The following FMN2 variants were observed in gnomAD, a reference collection of about 807,000 sequenced individuals.
FMN2 encodes formin-2.
Under a neutral mutation model 142.3 loss-of-function variants are expected in FMN2, and 51 were observed. That is an observed-to-expected ratio of 0.36 (90% CI 0.29 to 0.45). FMN2 has a LOEUF of 0.45. Among genes scored for constraint, FMN2 ranks in the 20% least tolerant of loss-of-function variants. FMN2 has a pLI of 1.00. For synonymous variants in FMN2, 882 were observed against 869.8 expected, an observed-to-expected ratio of 1.01 and a Z score of -0.25; for missense variants, 1,936 against 2,122.8, an observed-to-expected ratio of 0.91 and a Z score of 1.73.
chr1:240,431,147 TTTTA>T (rs1675158515), intron 15 of FMN2, among the ~76,000 whole-genome samples: 1 of 151,892 alleles, frequency 6.6e-6, no homozygotes, highest in African/African-American at 2.4e-5. Context: ...GTTTTCACAC[TTTTA>T]TTTGATTTAT....
chr1:240,358,429 A>C (rs1289185334), intron 14 of FMN2, among the ~76,000 whole-genome samples: 1 of 152,208 alleles, frequency 6.6e-6, no homozygotes. Context: ...ACATGTAGGG[A>C]AACAGTGGAG....
intron 1 of FMN2, among the ~76,000 whole-genome samples, chr1:240,122,822 G>T (rs1329261724): frequency 6.6e-6 from 1 of 152,168 alleles, no homozygotes; most frequent in Non-Finnish European, 1.5e-5. Flanking sequence ...GGAGGCTTAG[G>T]TGGGGGGATT....
At chr1:240,450,543 A>G (rs1472532529) in intron 16 of FMN2, among the ~76,000 whole-genome samples, 6 of 152,186 alleles carry the variant, frequency 3.9e-5, no homozygotes, top group Non-Finnish European at 5.9e-5. Context: ...CATTGTCTCC[A>G]TCCTCTCCCA....
chr1:240,421,618 G>C (rs753709988), intron 15 of FMN2, among the ~76,000 whole-genome samples: 6 of 152,068 alleles, frequency 3.9e-5, no homozygotes, highest in Admixed American at 3.9e-4. Context: ...TTTGTTTTGT[G>C]GGGGGTGTGG....
chr1:240,313,078 T>C (rs1045203566), intron 8 of FMN2, among the ~76,000 whole-genome samples: 1 of 152,236 alleles, frequency 6.6e-6, no homozygotes, highest in African/African-American at 2.4e-5. Context: ...TGTCACTTCC[T>C]ATTGCAACAT....
At chr1:240,349,165 C>T (rs965973086) in intron 13 of FMN2, among the ~76,000 whole-genome samples, 1 of 152,126 alleles carries the variant, frequency 6.6e-6, no homozygotes, top group Non-Finnish European at 1.5e-5. Context: ...AATGTCTGTG[C>T]ACTTACACCT....
chr1:240,116,123 G>A lies in FMN2; in HGVS notation c.1616-7056G>A, dbSNP rs1440618587. 4.6e-5 allele frequency among the ~76,000 whole-genome samples: 7 copies of A among 152,160 alleles called. No individual in the cohort carries two copies. The East Asian group carries it at 1.2e-3, about 25-fold the overall frequency. On this transcript the variant is annotated intron_variant, in intron 1 of 17. Coordinates refer to ENST00000319653, the MANE Select transcript of FMN2 (RefSeq NM_020066.5). ...AGAGGTCGCTTTCATCACCATCTTG[G>A]TTTTGGTGGGTTTTGGCTAGCTTCT...
intron 16 of FMN2, among the ~76,000 whole-genome samples, chr1:240,463,885 C>T (rs1676526205): frequency 6.6e-6 from 1 of 152,050 alleles, no homozygotes; most frequent in Admixed American, 6.6e-5. Flanking sequence ...CGCCTGTGCT[C>T]CCAGCTACTC....
chr1:240,367,785 A>G (rs1051729128), intron 14 of FMN2, among the ~76,000 whole-genome samples: 4 of 151,368 alleles, frequency 2.6e-5, no homozygotes, highest in Admixed American at 1.3e-4. Flanking sequence ...AAAAAAAAAA[A>G]AAAAAAGAAA....
At chr1:240,205,454 TC>T (rs1666299909) in intron 4 of FMN2, among the ~76,000 whole-genome samples, 1 of 145,068 alleles carries the variant, frequency 6.9e-6, no homozygotes, top group Admixed American at 7.1e-5. Context: ...CAATGCTCTT[TC>T]CTTTTTTTTT....
chr1:240,219,650 A>ATTTTTTTTTTTTTTTTTTTTTTTT (rs1558374533), intron 6 of FMN2, among the ~76,000 whole-genome samples: 3 of 151,974 alleles, frequency 2.0e-5, no homozygotes, highest in African/African-American at 7.3e-5. Flanking sequence ...AGGTTTTAAA[A>ATTTTTTTTTTTTTTTTTTTTTTTT]TTTTTTGTAT....
chr1:240,294,980 G>T, intron 8 of FMN2, 97 bp downstream of exon 8: 1 of 1,080,970 alleles, frequency 9.3e-7, no homozygotes. Flanking sequence ...GTCCTCTAAA[G>T]AAATTTGATC....
At chr1:240,149,398 C>T (rs1663667998) in intron 2 of FMN2, among the ~76,000 whole-genome samples, 1 of 152,154 alleles carries the variant, frequency 6.6e-6, no homozygotes, top group African/African-American at 2.4e-5. Context: ...ATAAAATGAA[C>T]AAGGTACTAT....
chr1:240,362,408 T>A (rs543683273), intron 14 of FMN2, among the ~76,000 whole-genome samples: 1 of 152,144 alleles, frequency 6.6e-6, no homozygotes, highest in African/African-American at 2.4e-5. Context: ...AATTTTCTAT[T>A]TTTTTAATAG....
intron 1 of FMN2, among the ~76,000 whole-genome samples, chr1:240,104,730 CT>C (rs1378131216): frequency 1.3e-5 from 2 of 152,102 alleles, no homozygotes; most frequent in African/African-American, 4.8e-5. Flanking sequence ...GAATTTCCAC[CT>C]TGTTTTTTGC....
intron 15 of FMN2, among the ~76,000 whole-genome samples, chr1:240,406,300 CG>C (rs1674193942): frequency 1.5e-5 from 1 of 67,034 alleles, no homozygotes; most frequent in Non-Finnish European, 3.0e-5. Context: ...GTGGGGGGAG[CG>C]AAGGGAAGCA....
At chr1:240,361,909 A>C (rs1439968081) in intron 14 of FMN2, among the ~76,000 whole-genome samples, 1 of 152,238 alleles carries the variant, frequency 6.6e-6, no homozygotes, top group Non-Finnish European at 1.5e-5. Flanking sequence ...TCAGGTAGAT[A>C]GGAAGAAAAT....
intron 2 of FMN2, among the ~76,000 whole-genome samples, chr1:240,173,504 TAGATTTTTTAATG>T (rs1284523507): frequency 1.3e-5 from 2 of 152,240 alleles, no homozygotes; most frequent in East Asian, 3.9e-4. Flanking sequence ...GGACTTCAAC[TAGATTTTTTAATG>T]ATTGATTAGA....
At chr1:240,319,250 C>T (rs1381023463) in intron 8 of FMN2, among the ~76,000 whole-genome samples, 1 of 152,072 alleles carries the variant, frequency 6.6e-6, no homozygotes. Context: ...ATAAAAGTAT[C>T]AGGAGTGATG....
Sources: allele counts gnomAD v4.1 joint callset (sites outside exome capture counted in the v4.1 genomes callset), GRCh38; gene constraint gnomAD v4.1.1; transcripts MANE v1.5; gene names NCBI Gene and HGNC (gene_info 2026-07-23, HGNC 2026-07-21).